The following CNTNAP2 variants were observed in gnomAD, a reference collection of about 807,000 sequenced individuals.
CNTNAP2 encodes contactin-associated protein-like 2.
CNTNAP2 carries 98 observed loss-of-function variants against 155.2 expected under a neutral mutation model. The observed-to-expected ratio is 0.63, with a 90% confidence interval of 0.54 to 0.75. CNTNAP2 has a LOEUF of 0.75. Among genes scored for constraint, CNTNAP2 ranks in the 30% least tolerant of loss-of-function variants. The pLI, the probability that CNTNAP2 is intolerant of heterozygous loss-of-function variation, is 0.00. For synonymous variants in CNTNAP2, 651 were observed against 631.2 expected (o/e 1.03, Z -0.47); for missense variants, 1,727 against 1,688.1 (o/e 1.02, Z -0.40).
In CNTNAP2 at chr7:146,158,378, G is replaced by A. The variant is rs571757390; in HGVS notation, c.97+41405G>A. On this transcript the variant is annotated intron_variant, in intron 1 of 23. Coordinates refer to ENST00000361727, the MANE Select transcript of CNTNAP2 (RefSeq NM_014141.6). ...CCTTGCCAGCAATGGGACAAAGCTG[G>A]ATGGAGAATGACTTTGATGAGTTTA... Among the ~76,000 whole-genome samples the A allele has an allele frequency of 4.6e-5, 7 of 152,348 alleles. No individual in the cohort carries two copies. The East Asian group carries it at 7.7e-4, about 17-fold the overall frequency.
chr7:148,196,177 G>T (rs1795274591), intron 18 of CNTNAP2, among the ~76,000 whole-genome samples: 1 of 152,064 alleles, frequency 6.6e-6, no homozygotes, highest in East Asian at 1.9e-4. Flanking sequence ...GCAATTTCAG[G>T]ATCAATTGAT....
At chr7:148,120,049 A>G (rs1317774922) in intron 16 of CNTNAP2, among the ~76,000 whole-genome samples, 1 of 151,630 alleles carries the variant, frequency 6.6e-6, no homozygotes, top group Non-Finnish European at 1.5e-5. Flanking sequence ...GTTGGATCAA[A>G]TTTTAGAAAG....
At chr7:147,660,970 C>T (rs1795600444) in intron 13 of CNTNAP2, among the ~76,000 whole-genome samples, 1 of 152,096 alleles carries the variant, frequency 6.6e-6, no homozygotes, top group African/African-American at 2.4e-5. Flanking sequence ...TATTGCACAC[C>T]CACCAACCCA....
intron 1 of CNTNAP2, among the ~76,000 whole-genome samples, chr7:146,209,312 T>TA (rs1162443592): frequency 6.6e-6 from 1 of 152,154 alleles, no homozygotes; most frequent in Non-Finnish European, 1.5e-5. Flanking sequence ...CTGGGTCTCT[T>TA]ATGGGCACTG....
chr7:147,657,450 T>A (rs1274722033), intron 13 of CNTNAP2, among the ~76,000 whole-genome samples: 1 of 151,510 alleles, frequency 6.6e-6, no homozygotes, highest in Non-Finnish European at 1.5e-5. Flanking sequence ...AATGTAAATT[T>A]TAAAAAATGA....
At chr7:147,363,238 T>C (rs1051590183) in intron 9 of CNTNAP2, among the ~76,000 whole-genome samples, 1 of 152,120 alleles carries the variant, frequency 6.6e-6, no homozygotes, top group Admixed American at 6.5e-5. Context: ...TGTGTGAGGA[T>C]ATGGTGAGAA....
intron 1 of CNTNAP2, among the ~76,000 whole-genome samples, chr7:146,163,441 C>G (rs1798255769): frequency 6.7e-6 from 1 of 148,602 alleles, no homozygotes; most frequent in African/African-American, 2.5e-5. Flanking sequence ...TACAAAACCC[C>G]ATCTCTACTA....
chr7:147,728,593 G>C (rs1796684179), intron 13 of CNTNAP2, among the ~76,000 whole-genome samples: 1 of 151,896 alleles, frequency 6.6e-6, no homozygotes, highest in Admixed American at 6.6e-5. Context: ...CATGTTTCTA[G>C]TTAGCCCCTT....
chr7:148,403,587 C>A (rs1197419930), intron 22 of CNTNAP2, among the ~76,000 whole-genome samples: 1 of 152,126 alleles, frequency 6.6e-6, no homozygotes, highest in African/African-American at 2.4e-5. Flanking sequence ...TTCAGCTCTC[C>A]CAGCAAGCTG....
intron 8 of CNTNAP2, among the ~76,000 whole-genome samples, chr7:147,237,766 C>A (rs1393966511): frequency 1.3e-5 from 2 of 152,200 alleles, no homozygotes; most frequent in African/African-American, 4.8e-5. Context: ...GTCATATGTA[C>A]ATTTCTATCA....
At chr7:146,623,720 T>G (rs943264327) in intron 1 of CNTNAP2, among the ~76,000 whole-genome samples, 9 of 152,118 alleles carry the variant, frequency 5.9e-5, no homozygotes, top group Non-Finnish European at 1.3e-4. Flanking sequence ...TCATGGGCTG[T>G]GTGTGTGTAC....
At position 148,247,661 on chromosome 7, in the gene CNTNAP2, TTA is replaced by T. The variant is rs1412598213; in HGVS notation, c.3381+17884_3381+17885del. On this transcript the variant is annotated intron_variant, in intron 20 of 23. Transcript: ENST00000361727. ...TTTATTTATTTATTTATTTATTTAT[TTA>T]TTTTTTTGGAGATAGAGTCCCACTC... 2.7e-3 allele frequency among the ~76,000 whole-genome samples: 380 copies of T among 140,770 alleles called. 10 individuals carry two copies. The highest frequency in any genetic ancestry group is 4.7e-3 in the Non-Finnish European group (287 of 61,704). The allele number at this position is 140,770 out of a possible 152,430, so 92.4% of individuals were successfully genotyped here. A position where few individuals can be genotyped will look rare whatever the true frequency, so the allele number is the denominator to read the frequency against.
chr7:146,504,663 C>A (rs1177774242), intron 1 of CNTNAP2, among the ~76,000 whole-genome samples: 1 of 152,160 alleles, frequency 6.6e-6, no homozygotes, highest in Non-Finnish European at 1.5e-5. Flanking sequence ...GGTAGAGCCA[C>A]CAGGGGGCTC....
intron 16 of CNTNAP2, among the ~76,000 whole-genome samples, chr7:148,144,838 TCTTTTATGCTGTCTCC>T (rs1399668529): frequency 3.9e-5 from 6 of 152,208 alleles, no homozygotes; most frequent in African/African-American, 1.4e-4. Flanking sequence ...GGCTCAAGTG[TCTTTTATGCTGTCTCC>T]CTTTTATTCG....
intron 13 of CNTNAP2, among the ~76,000 whole-genome samples, chr7:147,898,151 G>C (rs7786001): frequency 0.23 from 35,283 of 152,110 alleles, 4,756 homozygotes; most frequent in Middle Eastern, 0.39. Flanking sequence ...GAAAAATCAA[G>C]AAATTTGTTT....
Position 147,708,959 on chromosome 7 carries a change from G to A in CNTNAP2, c.2098+69653G>A, listed in dbSNP as rs576694623. On this transcript the variant is annotated intron_variant, in intron 13 of 23. Transcript: ENST00000361727. ...TTTTTTCTACTTTTGGATGGAATTAGATAAGGCCCAAGCTAAGAACTCCAT... is the reference window on the plus strand; with the variant it reads ...TTTTTTCTACTTTTGGATGGAATTAAATAAGGCCCAAGCTAAGAACTCCAT... Among the ~76,000 whole-genome samples the A allele has an allele frequency of 3.4e-4, 52 of 152,224 alleles. No homozygotes were observed. In the South Asian group the frequency reaches 0.011, roughly 32 times the overall value.
chr7:147,130,349 G>A (rs1801327804), intron 7 of CNTNAP2, among the ~76,000 whole-genome samples: 1 of 152,058 alleles, frequency 6.6e-6, no homozygotes, highest in African/African-American at 2.4e-5. Flanking sequence ...CTGCTTGAGA[G>A]GCTGAGGTAG....
chr7:148,161,645 C>A (rs1418914876), intron 17 of CNTNAP2, among the ~76,000 whole-genome samples: 1 of 152,120 alleles, frequency 6.6e-6, no homozygotes, highest in Non-Finnish European at 1.5e-5. Flanking sequence ...TGTATCTATA[C>A]CACTAAATCT....
At chr7:148,150,102 CAAAAAAAAAAAA>C (rs71188948) in intron 17 of CNTNAP2, among the ~76,000 whole-genome samples, 1,848 of 84,616 alleles carry the variant, frequency 0.022, 47 homozygotes, top group African/African-American at 0.07. Flanking sequence ...GGGGTTGTTA[CAAAAAAAAAAAA>C]AAAAAAAAAA....
Sources: gnomAD v4.1 joint callset for allele counts (sites outside exome capture counted in the v4.1 genomes callset) on GRCh38, gnomAD v4.1.1 for gene constraint, MANE v1.5 for transcripts, NCBI Gene and HGNC (gene_info 2026-07-23, HGNC 2026-07-21) for gene names.